Variants in DNMT3B observed in about 807,000 individuals in gnomAD.
The protein encoded by DNMT3B is DNA (cytosine-5)-methyltransferase 3B.
Under a neutral mutation model 120.2 loss-of-function variants are expected in DNMT3B, and 37 were observed. That is an observed-to-expected ratio of 0.31 (90% CI 0.24 to 0.40). The LOEUF (loss-of-function observed/expected upper bound fraction) is 0.40. Ranked by LOEUF, DNMT3B falls within the 10% of genes least tolerant of loss-of-function variation. DNMT3B has a pLI of 1.00. For missense variants in DNMT3B, 878 were observed against 1,137.3 expected, an observed-to-expected ratio of 0.77 and a Z score of 3.28; for synonymous variants, 412 against 442.8, an observed-to-expected ratio of 0.93 and a Z score of 0.87.
At chr20:32,785,352 C>G (rs1270429551) in intron 4 of DNMT3B, among the ~76,000 whole-genome samples, 1 of 152,140 alleles carries the variant, frequency 6.6e-6, no homozygotes, top group Non-Finnish European at 1.5e-5. Context: ...AAGGTTTTCT[C>G]TATGTGCCAT....
At chr20:32,772,446 A>G (rs1401875267) in intron 1 of DNMT3B, among the ~76,000 whole-genome samples, 1 of 152,210 alleles carries the variant, frequency 6.6e-6, no homozygotes, top group Non-Finnish European at 1.5e-5. Flanking sequence ...GTCTCTTTCC[A>G]GAATATTGAC....
chr20:32,770,528 A>T (rs2145856661), intron 1 of DNMT3B, among the ~76,000 whole-genome samples: 1 of 151,626 alleles, frequency 6.6e-6, no homozygotes, highest in South Asian at 2.1e-4. Flanking sequence ...GCTGGTCTCG[A>T]ACTCCCGACC....
At chr20:32,769,920 T>C (rs1018014406) in intron 1 of DNMT3B, among the ~76,000 whole-genome samples, 1 of 152,118 alleles carries the variant, frequency 6.6e-6, no homozygotes, top group Non-Finnish European at 1.5e-5. Flanking sequence ...GAGATTTATT[T>C]GTGTTATGAC....
intron 8 of DNMT3B, among the ~76,000 whole-genome samples, chr20:32,792,386 G>A (rs1009220230): frequency 6.6e-6 from 1 of 152,120 alleles, no homozygotes; most frequent in African/African-American, 2.4e-5. Context: ...CATTCCCTAG[G>A]GGGAAGAGAT....
intron 2 of DNMT3B, among the ~76,000 whole-genome samples, chr20:32,780,683 G>A (rs995204658): frequency 5.9e-5 from 9 of 152,170 alleles, no homozygotes; most frequent in Non-Finnish European, 1.3e-4. Flanking sequence ...CTGGGACTCT[G>A]AGCGTGACAC....
rs1327446885 is a variant in DNMT3B, at chr20:32,798,532, C to T, written c.1563C>T (p.Pro521=). The change falls in exon 15 of 23, where the codon CCC becomes CCT. Residue 521 remains proline (P), a synonymous_variant. Transcript: ENST00000328111. ...CGGCCGAGGCCAAGCTTCAGGAGCC[C>T]TGGAGCTGTTACATGTGTCTCCCGC... ...GTAAEAKLQE[P]WSCYMCLPQR... is the part of the protein sequence containing the mutation. 1 of 1,614,086 alleles carries T rather than the reference C, an allele frequency of 6.2e-7. No individual in the cohort carries two copies. The highest frequency in any genetic ancestry group is 1.3e-5 in the African/African-American group (1 of 74,942).
chr20:32,773,046 C>T lies in DNMT3B; in HGVS notation c.-6-7272C>T, dbSNP rs182780474. 3.4e-3 allele frequency among the ~76,000 whole-genome samples: 518 copies of T among 151,750 alleles called. 2 individuals carry two copies. Among genetic ancestry groups the T allele is most frequent in the African/African-American group, 8.7e-3 (360 of 41,354 alleles). Reference sequence around the variant, plus strand: ...GTTGGTCAGGCTGGTCTTGAACTCCCGACCTCATGTAATCCGCCCTCCTCG... The same window carrying T: ...GTTGGTCAGGCTGGTCTTGAACTCCTGACCTCATGTAATCCGCCCTCCTCG... On this transcript the variant is annotated intron_variant, in intron 1 of 22. Coordinates refer to ENST00000328111, the MANE Select transcript of DNMT3B (RefSeq NM_006892.4).
At chr20:32,799,202 C>A (rs1403750422) in intron 15 of DNMT3B, 42 bp from the exon 16 acceptor site, 1 of 1,586,972 alleles carries the variant, frequency 6.3e-7, no homozygotes, top group Non-Finnish European at 8.6e-7. Context: ...TGAGTCTTTG[C>A]CCTGTGCCTT....
chr20:32,768,192 A>AT (rs34062797), intron 1 of DNMT3B, among the ~76,000 whole-genome samples: 1,819 of 128,670 alleles, frequency 0.014, 31 homozygotes, highest in African/African-American at 0.044. Context: ...GCTAATTTTA[A>AT]TTTTTTTTTT....
chr20:32,794,203 T>C (rs1980332432), intron 10 of DNMT3B, among the ~76,000 whole-genome samples: 1 of 149,862 alleles, frequency 6.7e-6, no homozygotes, highest in Admixed American at 6.6e-5. Flanking sequence ...CTAAGAGAAA[T>C]ACAAAATTAG....
Position 32,795,493 on chromosome 20 carries a change from A to G in DNMT3B, c.1211A>G (p.Tyr404Cys), listed in dbSNP as rs143462810. The G allele has an allele frequency of 3.7e-3, 6,023 of 1,614,242 alleles. 235 individuals are homozygous for G. In the South Asian group the frequency reaches 0.061, roughly 16 times the overall value. The change falls in exon 11 of 23, where the codon TAT (tyrosine) becomes TGT (cysteine). Residue 404 changes from tyrosine to cysteine, a missense_variant. By Grantham distance (194) the Tyr-to-Cys change is radical. Around this residue, in one of 4 missense-constraint regions of DNMT3B, gnomAD observed 207 missense variants for 222.6 expected, o/e 0.93. Transcript: ENST00000328111. ...CCCAAGCGCCTCAAGACAAATTGCTATAACAACGGCAAAGACCGAGGGGAT... is the reference window on the plus strand; with the variant it reads ...CCCAAGCGCCTCAAGACAAATTGCTGTAACAACGGCAAAGACCGAGGGGAT... Reference protein sequence around the residue: ...PAPKRLKTNCYNNGKDRGDED... With the variant: ...PAPKRLKTNCCNNGKDRGDED...
Position 32,784,794 on chromosome 20 carries a change from G to C in DNMT3B, c.241G>C (p.Gly81Arg), listed in dbSNP as rs779400304. 1 of 1,614,124 alleles carries C rather than the reference G, an allele frequency of 6.2e-7. No individual in the cohort carries two copies. Among genetic ancestry groups the C allele is most frequent in the East Asian group, 2.2e-5 (1 of 44,882 alleles). ...CGATGGCGACGGGGAAGATGGGGATGGCTCTGACACCCCAGTCATGCCAAA... is the reference window on the plus strand; with the variant it reads ...CGATGGCGACGGGGAAGATGGGGATCGCTCTGACACCCCAGTCATGCCAAA... Reference protein sequence around the residue: ...TGDGDGEDGDGSDTPVMPKLF... With the variant: ...TGDGDGEDGDRSDTPVMPKLF... Residue 81 changes from glycine to arginine, a missense_variant, in exon 4 of 23, where the codon GGC becomes CGC. Gly to Arg is a moderately radical substitution (Grantham distance 125). This residue lies in a region of DNMT3B where 287 missense variants were observed against 306.2 expected (regional missense o/e 0.94). Coordinates refer to ENST00000328111, the MANE Select transcript of DNMT3B (RefSeq NM_006892.4).
chr20:32,805,205 A>G (rs778008123), intron 20 of DNMT3B, 133 bp from the exon 21 acceptor site: 37 of 1,162,746 alleles, frequency 3.2e-5, no homozygotes, highest in Admixed American at 2.1e-4. Context: ...TGCCAGGATC[A>G]TTTTCATCAT....
At chr20:32,768,618 C>G (rs1987532518) in intron 1 of DNMT3B, among the ~76,000 whole-genome samples, 1 of 151,938 alleles carries the variant, frequency 6.6e-6, no homozygotes, top group African/African-American at 2.4e-5. Flanking sequence ...TGGTCCCTTG[C>G]CTGCCTTTGA....
At position 32,801,022 on chromosome 20, in the gene DNMT3B, C is replaced by G. The variant is rs2093169090; in HGVS notation, c.1996+97C>G. ...TGAGAAGGAGCCACTTGCTTCTGGC[C>G]AAGTTACTGGCAGCATCAGGGGCCT... On this transcript the variant is annotated intron_variant, in intron 18 of 22. Coordinates refer to ENST00000328111, the MANE Select transcript of DNMT3B (RefSeq NM_006892.4). 2.1e-6 allele frequency: 3 copies of G among 1,459,730 alleles called. No homozygotes were observed. In the Admixed American group the frequency reaches 5.1e-5, roughly 25 times the overall value. 90.4% of individuals were successfully genotyped at this position (1,459,730 alleles called of 1,614,324 possible).
At chr20:32,800,011 G>T in intron 16 of DNMT3B, 142 bp from the exon 17 acceptor site, 1 of 1,230,800 alleles carries the variant, frequency 8.1e-7, no homozygotes, top group Non-Finnish European at 1.2e-6. Context: ...AATATGTGTG[G>T]TGCGTGTACA....
At chr20:32,781,292 G>A (rs1978590631) in intron 2 of DNMT3B, 61 bp from the exon 3 acceptor site, 9 of 1,592,082 alleles carry the variant, frequency 5.7e-6, no homozygotes, top group African/African-American at 1.4e-5. Context: ...CTATTAGCAA[G>A]GCCGTTCCCC....
At chr20:32,774,805 C>T (rs532041658) in intron 1 of DNMT3B, among the ~76,000 whole-genome samples, 2 of 151,910 alleles carry the variant, frequency 1.3e-5, no homozygotes, top group Admixed American at 6.6e-5. Flanking sequence ...CTGCAACCCC[C>T]GCCTCCCGGG....
intron 6 of DNMT3B, among the ~76,000 whole-genome samples, chr20:32,788,041 A>C (rs1246600159): frequency 6.6e-6 from 1 of 152,078 alleles, no homozygotes; most frequent in African/African-American, 2.4e-5. Context: ...GGCCATTTAT[A>C]CTTCTTTTAT....
Sources: allele counts gnomAD v4.1 joint callset (sites outside exome capture counted in the v4.1 genomes callset), GRCh38; gene constraint gnomAD v4.1.1; regional missense constraint gnomAD v4.1.1; transcripts MANE v1.5; gene names NCBI Gene and HGNC (gene_info 2026-07-23, HGNC 2026-07-21).